Variants in ZDHHC14 observed in about 807,000 individuals in gnomAD.
The protein encoded by ZDHHC14 is palmitoyltransferase ZDHHC14.
In ZDHHC14, 16 loss-of-function variants were observed where a neutral mutation model predicts 47.7. That is an observed-to-expected ratio of 0.34 (90% CI 0.23 to 0.51). The LOEUF (loss-of-function observed/expected upper bound fraction) is 0.51. Among genes scored for constraint, ZDHHC14 ranks in the 20% least tolerant of loss-of-function variants. ZDHHC14 has a pLI of 0.97. For synonymous variants in ZDHHC14, 293 were observed against 278.9 expected (o/e 1.05, Z -0.50); for missense variants, 515 against 662.5 (o/e 0.78, Z 2.44).
intron 1 of ZDHHC14, among the ~76,000 whole-genome samples, chr6:157,513,906 A>T (rs558912592): frequency 1.3e-5 from 2 of 152,206 alleles, no homozygotes; most frequent in South Asian, 4.2e-4. Context: ...CATTTTATGG[A>T]TGAGCAAACC....
At chr6:157,631,157 A>T (rs1479666768) in intron 4 of ZDHHC14, 1 of 152,154 alleles carries the variant, frequency 6.6e-6, no homozygotes. Context: ...TCGCTCACAT[A>T]CCGTTGCACA....
chr6:157,451,428 AAC>A (rs1778800487), intron 1 of ZDHHC14, among the ~76,000 whole-genome samples: 2 of 152,394 alleles, frequency 1.3e-5, no homozygotes, highest in African/African-American at 4.8e-5. Context: ...CCCAGGTCCT[AAC>A]ACAGTGCTTG....
intron 1 of ZDHHC14, among the ~76,000 whole-genome samples, chr6:157,538,330 C>A (rs1430655691): frequency 6.6e-6 from 1 of 152,138 alleles, no homozygotes; most frequent in Non-Finnish European, 1.5e-5. Flanking sequence ...GGGAGCCTCG[C>A]AGAAGGAACT....
At chr6:157,511,479 C>G (rs894066108) in intron 1 of ZDHHC14, among the ~76,000 whole-genome samples, 1 of 151,058 alleles carries the variant, frequency 6.6e-6, no homozygotes, top group South Asian at 2.1e-4. Context: ...CTCCCGGGTT[C>G]AAGCGATTCT....
intron 7 of ZDHHC14, among the ~76,000 whole-genome samples, chr6:157,650,653 GAGAGAGAGAGAGCA>G (rs6149880): frequency 0.22 from 21,896 of 101,670 alleles, 2,018 homozygotes; most frequent in Non-Finnish European, 0.29. Context: ...AAAAAAAAAA[GAGAGAGAGAGAGCA>G]AGAGAGAGCA....
chr6:157,630,678 C>T (rs1008182165), intron 4 of ZDHHC14: 6 of 150,024 alleles, frequency 4.0e-5, no homozygotes, highest in African/African-American at 1.5e-4. Flanking sequence ...TACTCACACT[C>T]ATATATACTC....
intron 1 of ZDHHC14, among the ~76,000 whole-genome samples, chr6:157,470,426 G>A (rs1779326543): frequency 6.6e-6 from 1 of 152,142 alleles, no homozygotes; most frequent in South Asian, 2.1e-4. Flanking sequence ...GAAATGTTAT[G>A]CAGCTATAAA....
At chr6:157,444,735 T>C (rs990383968) in intron 1 of ZDHHC14, among the ~76,000 whole-genome samples, 5 of 151,940 alleles carry the variant, frequency 3.3e-5, no homozygotes, top group Non-Finnish European at 5.9e-5. Context: ...GTAACACTTT[T>C]CCCACCTCAG....
chr6:157,407,223 A>G (rs957306988), intron 1 of ZDHHC14, among the ~76,000 whole-genome samples: 1 of 152,138 alleles, frequency 6.6e-6, no homozygotes, highest in Non-Finnish European at 1.5e-5. Flanking sequence ...TGGGTTGCAG[A>G]GCTGCTGGCG....
intron 1 of ZDHHC14, among the ~76,000 whole-genome samples, chr6:157,399,782 G>T (rs1258903357): frequency 6.6e-6 from 1 of 152,242 alleles, no homozygotes; most frequent in African/African-American, 2.4e-5. Context: ...AGACCAGGCT[G>T]GCTGGGTGGC....
Position 157,673,213 on chromosome 6 carries a change from C to T in ZDHHC14, c.*91C>T. On this transcript the variant is annotated 3_prime_UTR_variant, in exon 9 of 9. Coordinates refer to ENST00000359775, the MANE Select transcript of ZDHHC14 (RefSeq NM_024630.3). This position sits in a 1 kb window ranked among gnomAD's most constrained non-coding sequence, Gnocchi z 5.4. ...GTGTGTCCCACAGCGACTTTCCCAG[C>T]CAATGCCACGGTGGAGATGACAGCC... 6.9e-7 allele frequency: 1 copy of T among 1,440,246 alleles called. No homozygotes were observed. The highest frequency in any genetic ancestry group is 9.1e-7 in the Non-Finnish European group (1 of 1,101,000). 89.2% of individuals were successfully genotyped at this position (1,440,246 alleles called of 1,614,324 possible).
At position 157,675,935 on chromosome 6, in the gene ZDHHC14, C is replaced by A. The variant is rs1409383588; in HGVS notation, c.*2813C>A. On this transcript the variant is annotated 3_prime_UTR_variant, in exon 9 of 9. Coordinates refer to ENST00000359775, the MANE Select transcript of ZDHHC14 (RefSeq NM_024630.3). ...ATTATCAAACACACACAAACACACA[C>A]TCATTCTGCTGTTTAAAAATTCATC... is the stretch of plus-strand genomic sequence containing the variant. The A allele has an allele frequency of 6.6e-6, 1 of 152,246 alleles. No homozygotes were observed. Among genetic ancestry groups the A allele is most frequent in the Non-Finnish European group, 1.5e-5 (1 of 68,048 alleles). 9.4% of individuals were successfully genotyped at this position (152,246 alleles called of 1,614,324 possible). A position where few individuals can be genotyped will look rare whatever the true frequency, so the allele number is the denominator to read the frequency against.
intron 1 of ZDHHC14, among the ~76,000 whole-genome samples, chr6:157,481,322 C>T (rs1244072739): frequency 1.3e-5 from 2 of 152,158 alleles, no homozygotes; most frequent in Non-Finnish European, 1.5e-5. Context: ...TGGAAGTCTA[C>T]ACAGAAAATG....
At chr6:157,592,911 C>A in intron 2 of ZDHHC14, 77 bp from the exon 3 acceptor site, 1 of 1,514,212 alleles carries the variant, frequency 6.6e-7, no homozygotes, top group Non-Finnish European at 8.8e-7. Flanking sequence ...CTGGAGCTTA[C>A]ACTCCAGGCG....
chr6:157,647,420 C>A, intron 7 of ZDHHC14, 52 bp downstream of exon 7: 2 of 1,475,178 alleles, frequency 1.4e-6, no homozygotes, highest in Non-Finnish European at 1.9e-6. Flanking sequence ...AAACCGAATG[C>A]CTCGGCCGTT....
At chr6:157,659,602 C>T (rs758132899) in intron 8 of ZDHHC14, among the ~76,000 whole-genome samples, 1 of 152,200 alleles carries the variant, frequency 6.6e-6, no homozygotes, top group Non-Finnish European at 1.5e-5. Flanking sequence ...GCCAGCACAT[C>T]ATGACCAGCA....
At chr6:157,634,017 T>G (rs1186727499) in intron 5 of ZDHHC14, among the ~76,000 whole-genome samples, 1 of 152,206 alleles carries the variant, frequency 6.6e-6, no homozygotes. Context: ...GTTCTTAAAG[T>G]CAACCTGCCA....
rs1267449792 is a variant in ZDHHC14, at chr6:157,381,555, A to C, written c.-467A>C. 2 of 400,800 alleles carry C rather than the reference A, an allele frequency of 5.0e-6. No individual in the cohort carries two copies. Among genetic ancestry groups the C allele is most frequent in the Admixed American group, 2.7e-5 (1 of 36,960 alleles). 24.8% of individuals were successfully genotyped at this position (400,800 alleles called of 1,614,324 possible). ...AGTGGACCCAACCTGGCCGCGCCGC[A>C]GAAGTGGCTCCCGAGGAAGCCGGCG... On this transcript the variant is annotated 5_prime_UTR_variant, in exon 1 of 9. Coordinates refer to ENST00000359775, the MANE Select transcript of ZDHHC14 (RefSeq NM_024630.3).
chr6:157,477,469 C>T (rs1779521085), intron 1 of ZDHHC14, among the ~76,000 whole-genome samples: 1 of 152,150 alleles, frequency 6.6e-6, no homozygotes, highest in South Asian at 2.1e-4. Flanking sequence ...CAAGATTTCA[C>T]CAAAAAACTG....
Sources: allele counts gnomAD v4.1 joint callset (sites outside exome capture counted in the v4.1 genomes callset), GRCh38; gene constraint gnomAD v4.1.1; non-coding constraint Gnocchi (gnomAD v3.1); transcripts MANE v1.5; gene names NCBI Gene and HGNC (gene_info 2026-07-23, HGNC 2026-07-21).